The following ASTN2 variants were observed in gnomAD, a reference collection of about 807,000 sequenced individuals.
ASTN2 encodes the protein astrotactin-2.
In ASTN2, 54 loss-of-function variants were observed where a neutral mutation model predicts 139.8. The ratio of observed to expected loss-of-function variants is 0.39; its 90% CI spans 0.31 to 0.48. The LOEUF (loss-of-function observed/expected upper bound fraction) is 0.48. Among genes scored for constraint, ASTN2 ranks in the 20% least tolerant of loss-of-function variants. The probability of loss-of-function intolerance (pLI) is 0.95; values close to 1 mark genes in which losing one functional copy is unlikely to be tolerated. For missense variants in ASTN2, 1,565 were observed against 1,725.1 expected, an observed-to-expected ratio of 0.91 and a Z score of 1.64; for synonymous variants, 756 against 719.5, an observed-to-expected ratio of 1.05 and a Z score of -0.81.
intron 17 of ASTN2, among the ~76,000 whole-genome samples, chr9:116,622,491 G>C (rs549519767): frequency 2.1e-4 from 32 of 152,302 alleles, no homozygotes; most frequent in African/African-American, 7.0e-4. Context: ...CATCACAATA[G>C]TCCTGAGACA....
In ASTN2 at chr9:116,423,112, T is replaced by C. The variant is rs1443669558; in HGVS notation, c.*2739A>G. On this transcript the variant is annotated 3_prime_UTR_variant, in exon 23 of 23. Transcript: ENST00000313400. ...TTACAATTCACATAGCTGACAGAGC[T>C]GAAAATCATTAATTCTTTCTTTTAA... is the stretch of plus-strand genomic sequence containing the variant. 2.0e-5 allele frequency among the ~76,000 whole-genome samples: 3 copies of C among 152,234 alleles called. No individual in the cohort carries two copies. The highest frequency in any genetic ancestry group is 2.9e-5 in the Non-Finnish European group (2 of 68,040).
At chr9:117,180,345 A>T (rs1831027013) in intron 3 of ASTN2, among the ~76,000 whole-genome samples, 3 of 152,092 alleles carry the variant, frequency 2.0e-5, no homozygotes, top group Admixed American at 6.5e-5. Context: ...AGCCACTTGA[A>T]ACTTCTCACA....
At chr9:117,179,581 T>G (rs1831005168) in intron 3 of ASTN2, among the ~76,000 whole-genome samples, 1 of 152,186 alleles carries the variant, frequency 6.6e-6, no homozygotes, top group Non-Finnish European at 1.5e-5. Flanking sequence ...CTCTTCTTGG[T>G]TGCTTCTCCT....
intron 10 of ASTN2, among the ~76,000 whole-genome samples, chr9:116,916,083 T>C (rs1834438065): frequency 6.6e-6 from 1 of 152,172 alleles, no homozygotes; most frequent in African/African-American, 2.4e-5. Context: ...GTTAGAAAAC[T>C]GGTTGGTGTG....
At chr9:116,612,633 C>T (rs1013586703) in intron 19 of ASTN2, 5 of 152,032 alleles carry the variant, frequency 3.3e-5, no homozygotes, top group South Asian at 2.1e-4. Flanking sequence ...GGGTACATAA[C>T]GAAATGAAAG....
At chr9:117,176,856 A>G (rs909757744) in intron 3 of ASTN2, among the ~76,000 whole-genome samples, 3 of 152,190 alleles carry the variant, frequency 2.0e-5, no homozygotes, top group Admixed American at 2.0e-4. Context: ...GCTTGAGCCT[A>G]TGAGTTGCAG....
chr9:117,209,351 A>C (rs1290370008), intron 3 of ASTN2, among the ~76,000 whole-genome samples: 2 of 152,144 alleles, frequency 1.3e-5, no homozygotes, highest in African/African-American at 4.8e-5. Flanking sequence ...AAAGTGAAGG[A>C]ACGGAAAAAT....
chr9:116,773,527 A>T (rs985473545), intron 13 of ASTN2, among the ~76,000 whole-genome samples: 3 of 152,188 alleles, frequency 2.0e-5, no homozygotes, highest in African/African-American at 7.2e-5. Flanking sequence ...GGAGAACCTC[A>T]CACAAAGATG....
At chr9:117,383,395 G>C (rs2130931921) in intron 1 of ASTN2, among the ~76,000 whole-genome samples, 1 of 152,272 alleles carries the variant, frequency 6.6e-6, no homozygotes, top group East Asian at 1.9e-4. Flanking sequence ...GAACTTGCTG[G>C]GGTGATAGAA....
chr9:117,036,115 G>GA (rs1312148080), intron 6 of ASTN2, among the ~76,000 whole-genome samples: 2 of 152,206 alleles, frequency 1.3e-5, no homozygotes, highest in East Asian at 1.9e-4. Flanking sequence ...AGATAGGTGA[G>GA]AAAAATGAGA....
intron 19 of ASTN2, among the ~76,000 whole-genome samples, chr9:116,609,379 G>GTATATATATATA (rs56938236): frequency 0.01 from 1,217 of 116,580 alleles, 26 homozygotes; most frequent in East Asian, 0.017. Context: ...ATATATGGGT[G>GTATATATATATA]TATATATATA....
intron 13 of ASTN2, among the ~76,000 whole-genome samples, chr9:116,769,203 G>A (rs1177879940): frequency 6.6e-6 from 1 of 152,226 alleles, no homozygotes; most frequent in East Asian, 1.9e-4. Context: ...ATACAGAGAA[G>A]TCAGGGAATG....
intron 10 of ASTN2, 51 bp downstream of exon 10, chr9:116,975,157 T>A: frequency 6.7e-7 from 1 of 1,489,650 alleles, no homozygotes; most frequent in Non-Finnish European, 9.0e-7. Context: ...ACAGGGGGAC[T>A]TCCAAGGTTT....
chr9:116,807,393 G>A, intron 12 of ASTN2, among the ~76,000 whole-genome samples: 1 of 152,300 alleles, frequency 6.6e-6, no homozygotes, highest in South Asian at 2.1e-4. Context: ...TCTCATGCAT[G>A]AAGCAAACTG....
intron 2 of ASTN2, among the ~76,000 whole-genome samples, chr9:117,271,314 T>C (rs927124206): frequency 2.0e-5 from 3 of 152,176 alleles, no homozygotes; most frequent in Admixed American, 2.0e-4. Flanking sequence ...GTCATGAGAA[T>C]ACCATGGGAA....
intron 5 of ASTN2, among the ~76,000 whole-genome samples, chr9:117,066,389 G>A (rs1004595204): frequency 6.7e-6 from 1 of 148,396 alleles, no homozygotes; most frequent in African/African-American, 2.5e-5. Context: ...TGGTGTATAT[G>A]TGCCACATTT....
At chr9:117,171,942 G>A (rs1050806002) in intron 3 of ASTN2, among the ~76,000 whole-genome samples, 5 of 151,666 alleles carry the variant, frequency 3.3e-5, no homozygotes, top group African/African-American at 4.9e-5. Context: ...ACACTATATC[G>A]TAATTAAAAA....
chr9:117,158,915 C>T (rs1322489836), intron 3 of ASTN2, among the ~76,000 whole-genome samples: 2 of 151,888 alleles, frequency 1.3e-5, no homozygotes, highest in African/African-American at 4.8e-5. Flanking sequence ...TCACTGCTTG[C>T]CCACCTTCAG....
chr9:116,542,467 G>T (rs1342181841), intron 19 of ASTN2, among the ~76,000 whole-genome samples: 1 of 152,058 alleles, frequency 6.6e-6, no homozygotes, highest in Non-Finnish European at 1.5e-5. Flanking sequence ...AAAGATCATT[G>T]CAAGGGTATT....
Sources: gnomAD v4.1 joint callset for allele counts (sites outside exome capture counted in the v4.1 genomes callset) on GRCh38, gnomAD v4.1.1 for gene constraint, MANE v1.5 for transcripts, NCBI Gene and HGNC (gene_info 2026-07-23, HGNC 2026-07-21) for gene names.